MOV10L1: variants seen among roughly 807,000 people sequenced by gnomAD.
The protein encoded by MOV10L1 is RNA helicase Mov10l1.
MOV10L1 carries 110 observed loss-of-function variants against 143.8 expected under a neutral mutation model. That is an observed-to-expected ratio of 0.76 (90% CI 0.66 to 0.90). The LOEUF (loss-of-function observed/expected upper bound fraction) is 0.90. Among genes scored for constraint, MOV10L1 ranks in the 40% least tolerant of loss-of-function variants. MOV10L1 has a pLI of 0.00. For missense variants in MOV10L1, 1,406 were observed against 1,526.8 expected (o/e 0.92, Z 1.32); for synonymous variants, 593 against 581.1 (o/e 1.02, Z -0.29).
Position 50,152,984 on chromosome 22 carries a change from T to G in MOV10L1, c.2893-61T>G. 2 of 1,503,714 alleles carry G rather than the reference T, an allele frequency of 1.3e-6. No homozygotes were observed. The highest frequency in any genetic ancestry group is 1.8e-6 in the Non-Finnish European group (2 of 1,108,876). 93.1% of individuals were successfully genotyped at this position (1,503,714 alleles called of 1,614,324 possible). A position where few individuals can be genotyped will look rare whatever the true frequency, so the allele number is the denominator to read the frequency against. ...GTTTGCTGTGCAGAGCCGCTTTTCGTTCGACAGAAACTGTGCCGGGTACCA... is the reference window on the plus strand; with the variant it reads ...GTTTGCTGTGCAGAGCCGCTTTTCGGTCGACAGAAACTGTGCCGGGTACCA... On this transcript the variant is annotated intron_variant, in intron 21 of 26. Transcript: ENST00000262794. This position sits in a 1 kb window ranked among gnomAD's most constrained non-coding sequence, Gnocchi z 4.4.
intron 13 of MOV10L1, among the ~76,000 whole-genome samples, chr22:50,133,422 G>T (rs1374130388): frequency 6.8e-6 from 1 of 148,036 alleles, no homozygotes; most frequent in Non-Finnish European, 1.5e-5. Context: ...CTGTGCCACT[G>T]CACTCCAGCC....
chr22:50,114,574 T>C lies in MOV10L1; in HGVS notation c.1078T>C (p.Ser360Pro). The change falls in exon 7 of 27, where the codon TCT (serine) becomes CCT (proline). Residue 360 changes from serine (S) to proline (P), a missense_variant. Transcript: ENST00000262794. ...AAATAGCCACACAAAAAACAAAACC[T>C]CTCAGATGTCGGAGAGCAGTTTGGT... The part of the protein sequence containing the change: ...SLNSHTKNKT[S>P]QMSESSLVNN... 6.2e-7 allele frequency: 1 copy of C among 1,614,106 alleles called. No homozygotes were observed. Among genetic ancestry groups the C allele is most frequent in the Non-Finnish European group, 8.5e-7 (1 of 1,180,028 alleles).
At chr22:50,129,467 G>A (rs943478481) in intron 13 of MOV10L1, among the ~76,000 whole-genome samples, 2 of 152,236 alleles carry the variant, frequency 1.3e-5, no homozygotes, top group Non-Finnish European at 2.9e-5. Flanking sequence ...TCTCCGTGTT[G>A]TTGTAACTGC....
At position 50,108,765 on chromosome 22, in the gene MOV10L1, G is replaced by A. The variant is rs371724678; in HGVS notation, c.664G>A (p.Val222Met). 10 of 1,614,072 alleles carry A rather than the reference G, an allele frequency of 6.2e-6. No individual in the cohort carries two copies. Among genetic ancestry groups the A allele is most frequent in the Admixed American group, 1.7e-5 (1 of 60,012 alleles). ...PDGYTPRRGD[V>M]VNAVVVESSQ... is the part of the protein sequence containing the mutation. ...TGGGTACACACCCCGGAGAGGTGACGTGGTCAATGCAGTGGTGGTGGAGAG... is the reference window on the plus strand; with the variant it reads ...TGGGTACACACCCCGGAGAGGTGACATGGTCAATGCAGTGGTGGTGGAGAG... Residue 222 changes from valine to methionine, a missense_variant, in exon 5 of 27, where the codon GTG becomes ATG. Around this residue, in one of 3 missense-constraint regions of MOV10L1, gnomAD observed 1,233 missense variants for 1,351.4 expected, o/e 0.91. Coordinates refer to ENST00000262794, the MANE Select transcript of MOV10L1 (RefSeq NM_018995.3).
chr22:50,134,729 CAG>C (rs1350352132), intron 15 of MOV10L1, 99 bp downstream of exon 15: 7 of 989,794 alleles, frequency 7.1e-6, no homozygotes, highest in South Asian at 2.8e-5. Flanking sequence ...TGTCTCTACA[CAG>C]GGGATGGCTC....
chr22:50,133,929 A>C (rs1220120266), intron 13 of MOV10L1, 78 bp from the exon 14 acceptor site: 11 of 1,219,196 alleles, frequency 9.0e-6, no homozygotes, highest in African/African-American at 1.5e-5. Context: ...TTGTATCATA[A>C]AATTTTCATT....
At position 50,159,237 on chromosome 22, in the gene MOV10L1, A is replaced by G. The variant is rs920999109; in HGVS notation, c.3217-441A>G. ...TTCTAATCAATTCAGATTAGAAGAA[A>G]GCAATAAAGAATTAAAAAACAATAT... On this transcript the variant is annotated intron_variant, in intron 23 of 26. Coordinates refer to ENST00000262794, the MANE Select transcript of MOV10L1 (RefSeq NM_018995.3). The surrounding 1 kb of genome is among the most constrained non-coding windows in gnomAD (Gnocchi z 4.1). The G allele has an allele frequency of 6.6e-6, 1 of 152,436 alleles. No homozygotes were observed. The highest frequency in any genetic ancestry group is 6.5e-5 in the Admixed American group (1 of 15,286). 9.4% of individuals were successfully genotyped at this position (152,436 alleles called of 1,614,324 possible).
chr22:50,158,252 C>T lies in MOV10L1; in HGVS notation c.3216+46C>T. On this transcript the variant is annotated intron_variant, in intron 23 of 26. Transcript: ENST00000262794. This position sits in a 1 kb window ranked among gnomAD's most constrained non-coding sequence, Gnocchi z 5.0. ...CCTGGTTCTGTGAGGTCCCTGCAGC[C>T]CTGCTCCTTGGCTCCTGCAGCTCCA... 1 of 1,608,442 alleles carries T rather than the reference C, an allele frequency of 6.2e-7. No individual in the cohort carries two copies. Among genetic ancestry groups the T allele is most frequent in the Non-Finnish European group, 8.5e-7 (1 of 1,176,622 alleles).
intron 2 of MOV10L1, among the ~76,000 whole-genome samples, chr22:50,092,502 G>A (rs906977608): frequency 4.6e-5 from 7 of 152,008 alleles, no homozygotes; most frequent in Non-Finnish European, 8.8e-5. Flanking sequence ...GCCTGGTGTC[G>A]TGGCACATAC....
At chr22:50,117,417 T>C in intron 9 of MOV10L1, 66 bp downstream of exon 9, 1 of 1,549,536 alleles carries the variant, frequency 6.5e-7, no homozygotes, top group Non-Finnish European at 8.8e-7. Context: ...AAAGCGGACG[T>C]GCACTGGCAA....
chr22:50,123,573 T>G (rs901997950), intron 10 of MOV10L1, among the ~76,000 whole-genome samples: 1 of 152,220 alleles, frequency 6.6e-6, no homozygotes, highest in Non-Finnish European at 1.5e-5. Flanking sequence ...TAGTATCGTG[T>G]TGAGGATTTT....
chr22:50,099,361 T>C (rs2062677453), intron 2 of MOV10L1, 82 bp from the exon 3 acceptor site: 1 of 1,505,934 alleles, frequency 6.6e-7, no homozygotes, highest in Admixed American at 1.9e-5. Flanking sequence ...GCCCTAATGG[T>C]CTCAGACAGG....
chr22:50,157,704 G>GTTTTC (rs1325848296), intron 22 of MOV10L1, among the ~76,000 whole-genome samples: 1 of 142,656 alleles, frequency 7.0e-6, no homozygotes, highest in Non-Finnish European at 1.5e-5. Context: ...TCTCATTAAT[G>GTTTTC]TTTTCTAAGG....
intron 6 of MOV10L1, 112 bp downstream of exon 6, chr22:50,113,900 T>A (rs1465945632): frequency 3.2e-6 from 3 of 942,498 alleles, no homozygotes; most frequent in Non-Finnish European, 4.3e-6. Context: ...TTTTTCTTTA[T>A]GAAGATCTTT....
At chr22:50,101,700 C>T (rs148224916) in intron 3 of MOV10L1, among the ~76,000 whole-genome samples, 2,602 of 152,056 alleles carry the variant, frequency 0.017, 78 homozygotes, top group African/African-American at 0.06. Flanking sequence ...TTAGTAGACA[C>T]GGGGTTTCGC....
At position 50,158,219 on chromosome 22, in the gene MOV10L1, C is replaced by T. The variant is rs747483290; in HGVS notation, c.3216+13C>T. The T allele has an allele frequency of 3.7e-6, 6 of 1,613,934 alleles. No homozygotes were observed. The highest frequency in any genetic ancestry group is 5.1e-6 in the Non-Finnish European group (6 of 1,179,968). ...CTACCGGAAGCAGGTACGCCCTGCC[C>T]AGGCACGCCTGGTTCTGTGAGGTCC... On this transcript the variant is annotated intron_variant, in intron 23 of 26. Coordinates refer to ENST00000262794, the MANE Select transcript of MOV10L1 (RefSeq NM_018995.3). This position sits in a 1 kb window ranked among gnomAD's most constrained non-coding sequence, Gnocchi z 5.0.
chr22:50,114,297 A>G (rs2062107813), intron 6 of MOV10L1, 84 bp from the exon 7 acceptor site: 1 of 1,492,156 alleles, frequency 6.7e-7, no homozygotes, highest in Non-Finnish European at 9.1e-7. Context: ...ACCACTTCCT[A>G]GATTAGGTTT....
chr22:50,090,329 T>A, intron 1 of MOV10L1, 144 bp downstream of exon 1: 1 of 1,475,698 alleles, frequency 6.8e-7, no homozygotes. Context: ...CTGGCGGGGA[T>A]CCCCGTTCGC....
intron 1 of MOV10L1, chr22:50,091,497 C>T (rs1490489144): frequency 6.5e-6 from 1 of 154,140 alleles, no homozygotes; most frequent in East Asian, 1.9e-4. Flanking sequence ...CTAATAAAAC[C>T]GTGCATGCTA....
Sources: gnomAD v4.1 joint callset for allele counts (sites outside exome capture counted in the v4.1 genomes callset) on GRCh38, gnomAD v4.1.1 for gene constraint, gnomAD v4.1.1 regional missense constraint, Gnocchi (gnomAD v3.1) non-coding constraint, MANE v1.5 for transcripts, NCBI Gene and HGNC (gene_info 2026-07-23, HGNC 2026-07-21) for gene names.